The following C17orf67 variants were observed in gnomAD, a reference collection of about 807,000 sequenced individuals.
C17orf67 encodes the protein uncharacterized protein C17orf67.
C17orf67 carries 12 observed loss-of-function variants against 11.2 expected under a neutral mutation model. That is an observed-to-expected ratio of 1.07 (90% CI 0.68 to 1.73). The LOEUF is 1.73. Among genes scored for constraint, C17orf67 ranks in the 40% most tolerant of loss-of-function variants. The pLI is 0.00. For synonymous variants in C17orf67, 59 were observed against 46.9 expected (o/e 1.26, Z -1.05); for missense variants, 115 against 113.5 (o/e 1.01, Z -0.06).
At chr17:56,820,695 G>T (rs1482229713) in intron 4 of C17orf67, among the ~76,000 whole-genome samples, 2 of 150,784 alleles carry the variant, frequency 1.3e-5, no homozygotes, top group Non-Finnish European at 2.9e-5. Context: ...ACATTTAAAA[G>T]CCTATAAAGG....
In C17orf67 at chr17:56,814,980, CG is replaced by C; in HGVS notation, c.56-12del. 1 of 1,611,306 alleles carries C rather than the reference CG, an allele frequency of 6.2e-7. No homozygotes were observed. Among genetic ancestry groups the C allele is most frequent in the Non-Finnish European group, 8.5e-7 (1 of 1,177,632 alleles). ...AAATCGGGGAGGTCTCTGGAAAAGT[CG>C]GGAAGGTGCCTTAAGGACACTCAGG... On this transcript the variant is annotated splice_polypyrimidine_tract_variant and intron_variant, in intron 5 of 7. Coordinates refer to ENST00000397861, the MANE Select transcript of C17orf67 (RefSeq NM_001085430.4).
chr17:56,825,728 G>A (rs748028577), intron 2 of C17orf67, among the ~76,000 whole-genome samples: 2 of 152,008 alleles, frequency 1.3e-5, no homozygotes, highest in Non-Finnish European at 2.9e-5. Context: ...ACATATAAAA[G>A]TTATTTTGTA....
intron 6 of C17orf67, among the ~76,000 whole-genome samples, chr17:56,811,793 C>T (rs984942595): frequency 6.6e-6 from 1 of 152,242 alleles, no homozygotes; most frequent in Non-Finnish European, 1.5e-5. Context: ...CTCTTTTTGT[C>T]TAAACAACTA....
chr17:56,819,674 G>C lies in C17orf67; in HGVS notation c.-200-3664C>G, dbSNP rs571492891. ...GGATGTTGTCCTAAAAGAAGCGAGA[G>C]GGGGAGGAATATAGAAAGACCGAAA... is the stretch of plus-strand genomic sequence containing the variant. On this transcript the variant is annotated intron_variant, in intron 4 of 7. Coordinates refer to ENST00000397861, the MANE Select transcript of C17orf67 (RefSeq NM_001085430.4). Among the ~76,000 whole-genome samples, 50 of 152,266 alleles carry C rather than the reference G, an allele frequency of 3.3e-4. 1 individual carries two copies. Among genetic ancestry groups the C allele is most frequent in the African/African-American group, 1.2e-3 (49 of 41,544 alleles).
rs758412594 is a variant in C17orf67 at position 56,814,871 on chromosome 17, G to T, written c.154C>A (p.Arg52=). The change falls in exon 6 of 8, where the codon CGG becomes AGG. Residue 52 remains arginine (R), a splice_region_variant and synonymous_variant. Transcript: ENST00000397861. ...SKPGFPDEPM[R]EYMHHLLALE... is the part of the protein sequence containing the mutation. ...AACTGCCAGAGCAAAGCACTCACCC[G>T]CATTGGCTCATCGGGGAATCCGGGT... is the stretch of plus-strand genomic sequence containing the variant. 2 of 1,613,520 alleles carry T rather than the reference G, an allele frequency of 1.2e-6. No homozygotes were observed. The highest frequency in any genetic ancestry group is 2.2e-5 in the East Asian group (1 of 44,876).
chr17:56,829,976 T>G (rs982668854), intron 2 of C17orf67, among the ~76,000 whole-genome samples: 3 of 152,198 alleles, frequency 2.0e-5, no homozygotes, highest in Non-Finnish European at 4.4e-5. Context: ...ACTGCAATAT[T>G]TTTTCTAGAG....
Position 56,819,523 on chromosome 17 carries a change from G to A in C17orf67, c.-200-3513C>T, listed in dbSNP as rs185884225. Among the ~76,000 whole-genome samples the A allele has an allele frequency of 3.9e-5, 6 of 152,224 alleles. No individual in the cohort carries two copies. In the East Asian group the frequency reaches 1.2e-3, roughly 29 times the overall value. ...CATAAGGCAACCTCTGGTGGACTGA[G>A]GTGGTGAGACTGGAGAGAGTCGGAG... On this transcript the variant is annotated intron_variant, in intron 4 of 7. Coordinates refer to ENST00000397861, the MANE Select transcript of C17orf67 (RefSeq NM_001085430.4).
chr17:56,826,625 G>C (rs1189327543), intron 2 of C17orf67, among the ~76,000 whole-genome samples: 1 of 152,250 alleles, frequency 6.6e-6, no homozygotes, highest in Non-Finnish European at 1.5e-5. Context: ...AGAAACGCAG[G>C]TTATCAGGCC....
rs998241846 is a variant in C17orf67 at position 56,792,460 on chromosome 17, T to C, written c.*21-108A>G. ...GTGATGGTGATGATGGTGATTGTGG[T>C]GGTGGTAATAGTGATGATGGTTATG... On this transcript the variant is annotated intron_variant, in intron 7 of 7. Transcript: ENST00000397861. 4 of 150,078 alleles carry C rather than the reference T, an allele frequency of 2.7e-5. No homozygotes were observed. The East Asian group carries it at 6.0e-4, about 22-fold the overall frequency. The allele number at this position is 150,078 out of a possible 1,614,324, so 9.3% of individuals were successfully genotyped here. A position where few individuals can be genotyped will look rare whatever the true frequency, so the allele number is the denominator to read the frequency against.
chr17:56,818,369 G>A (rs1905813213), intron 4 of C17orf67, among the ~76,000 whole-genome samples: 1 of 152,048 alleles, frequency 6.6e-6, no homozygotes, highest in Admixed American at 6.5e-5. Flanking sequence ...TACAATAGAA[G>A]TATTTTTTGG....
chr17:56,807,246 C>T lies in C17orf67; in HGVS notation c.156+7623G>A, dbSNP rs1481028839. Among the ~76,000 whole-genome samples the T allele has an allele frequency of 2.6e-5, 4 of 152,174 alleles. No homozygotes were observed. The East Asian group carries it at 5.8e-4, about 22-fold the overall frequency. ...AGTGGAATGAGAAGCCTGGGCGAGG[C>T]ATGCTGGGAAAGTGGAAACCAAGTG... On this transcript the variant is annotated intron_variant, in intron 6 of 7. Transcript: ENST00000397861.
intron 2 of C17orf67, among the ~76,000 whole-genome samples, chr17:56,828,144 G>T (rs372155980): frequency 1.4e-5 from 2 of 147,074 alleles, no homozygotes; most frequent in Middle Eastern, 3.8e-3. Flanking sequence ...GGCGGCTCAC[G>T]CTTGTAATCC....
intron 4 of C17orf67, among the ~76,000 whole-genome samples, chr17:56,818,558 T>C (rs1229432940): frequency 1.3e-5 from 2 of 152,170 alleles, no homozygotes; most frequent in Non-Finnish European, 2.9e-5. Context: ...TTTGCAACTT[T>C]TGTCTATATC....
At chr17:56,815,329 A>AC (rs1300914741) in intron 5 of C17orf67, among the ~76,000 whole-genome samples, 2 of 152,208 alleles carry the variant, frequency 1.3e-5, no homozygotes, top group African/African-American at 2.4e-5. Flanking sequence ...TCAAGTTTAA[A>AC]GTCATTACTG....
At chr17:56,810,925 T>C (rs549950707) in intron 6 of C17orf67, among the ~76,000 whole-genome samples, 1 of 152,306 alleles carries the variant, frequency 6.6e-6, no homozygotes, top group Admixed American at 6.5e-5. Context: ...AGTAAATCCA[T>C]AAAAGAAGAA....
intron 2 of C17orf67, among the ~76,000 whole-genome samples, chr17:56,832,627 C>A (rs1204641770): frequency 6.6e-6 from 1 of 152,168 alleles, no homozygotes; most frequent in Admixed American, 6.5e-5. Flanking sequence ...CTTACACTGA[C>A]CCACCCTTCA....
At chr17:56,820,655 T>C (rs1010490002) in intron 4 of C17orf67, among the ~76,000 whole-genome samples, 2 of 152,186 alleles carry the variant, frequency 1.3e-5, no homozygotes, top group Non-Finnish European at 2.9e-5. Context: ...ACAATGTTAT[T>C]TGAGGACCTG....
At chr17:56,802,768 A>G (rs1483337645) in intron 6 of C17orf67, among the ~76,000 whole-genome samples, 1 of 152,366 alleles carries the variant, frequency 6.6e-6, no homozygotes, top group East Asian at 1.9e-4. Flanking sequence ...GAACTGGTAC[A>G]CAGGAAACTT....
At chr17:56,810,032 T>C (rs1905570966) in intron 6 of C17orf67, among the ~76,000 whole-genome samples, 1 of 104,672 alleles carries the variant, frequency 9.6e-6, no homozygotes, top group South Asian at 3.6e-4. Flanking sequence ...CCCTCACACA[T>C]GCATCCCTCA....
Sources: gnomAD v4.1 joint callset for allele counts (sites outside exome capture counted in the v4.1 genomes callset) on GRCh38, gnomAD v4.1.1 for gene constraint, MANE v1.5 for transcripts, NCBI Gene and HGNC (gene_info 2026-07-23, HGNC 2026-07-21) for gene names.